Variants in MGAT4C observed in about 807,000 individuals in gnomAD.
MGAT4C encodes alpha-1,3-mannosyl-glycoprotein 4-beta-N-acetylglucosaminyltransferase C.
MGAT4C carries 19 observed loss-of-function variants against 40.1 expected under a neutral mutation model. The observed-to-expected ratio is 0.47, with a 90% confidence interval of 0.33 to 0.70. The LOEUF (loss-of-function observed/expected upper bound fraction) is 0.70. Ranked by LOEUF, MGAT4C falls within the 30% of genes least tolerant of loss-of-function variation. The probability of loss-of-function intolerance (pLI) is 0.02; values close to 1 mark genes in which losing one functional copy is unlikely to be tolerated. For synonymous variants in MGAT4C, 181 were observed against 187.1 expected (o/e 0.97, Z 0.27); for missense variants, 491 against 563.2 (o/e 0.87, Z 1.30).
intron 1 of MGAT4C, among the ~76,000 whole-genome samples, chr12:86,074,648 C>A (rs1869315816): frequency 6.6e-6 from 1 of 152,050 alleles, no homozygotes; most frequent in African/African-American, 2.4e-5. Context: ...AAGACACACC[C>A]AAGACTGGGT....
At chr12:86,517,339 A>G (rs1958709365) in intron 2 of MGAT4C, among the ~76,000 whole-genome samples, 1 of 152,204 alleles carries the variant, frequency 6.6e-6, no homozygotes, top group Non-Finnish European at 1.5e-5. Flanking sequence ...TCACATATAT[A>G]CTGAACACAA....
chr12:86,122,757 T>G (rs1219263253), intron 1 of MGAT4C, among the ~76,000 whole-genome samples: 1 of 151,074 alleles, frequency 6.6e-6, no homozygotes, highest in East Asian at 1.9e-4. Flanking sequence ...ACTTGAAAGT[T>G]CTTTTAATGT....
intron 3 of MGAT4C, among the ~76,000 whole-genome samples, chr12:86,394,391 T>C (rs60174857): frequency 0.027 from 4,064 of 151,028 alleles, 153 homozygotes; most frequent in African/African-American, 0.085. Context: ...AAAGAGGCTG[T>C]ATGCTCCATT....
intron 4 of MGAT4C, among the ~76,000 whole-genome samples, chr12:86,291,186 A>G (rs969498743): frequency 1.3e-5 from 2 of 152,228 alleles, no homozygotes; most frequent in Non-Finnish European, 2.9e-5. Flanking sequence ...GGTTTGAGCT[A>G]CTTGTACCTG....
intron 2 of MGAT4C, among the ~76,000 whole-genome samples, chr12:86,580,613 C>T (rs981489962): frequency 6.6e-6 from 1 of 151,420 alleles, no homozygotes; most frequent in African/African-American, 2.4e-5. Context: ...TAAATTCATC[C>T]TTGCTCACTT....
At chr12:86,635,635 TA>T (rs1309392048) in intron 2 of MGAT4C, among the ~76,000 whole-genome samples, 1 of 151,612 alleles carries the variant, frequency 6.6e-6, no homozygotes, top group Non-Finnish European at 1.5e-5. Context: ...ACCACATTTT[TA>T]CTGTACCTTT....
chr12:86,658,187 A>C (rs954066366), intron 2 of MGAT4C, among the ~76,000 whole-genome samples: 2 of 152,062 alleles, frequency 1.3e-5, no homozygotes, highest in Non-Finnish European at 2.9e-5. Context: ...GTTAAATCAA[A>C]TATAACTTGG....
intron 1 of MGAT4C, among the ~76,000 whole-genome samples, chr12:86,180,455 T>C (rs1593162499): frequency 1.3e-5 from 2 of 152,098 alleles, no homozygotes; most frequent in Admixed American, 1.3e-4. Flanking sequence ...ACAGACAGCT[T>C]GCACCGTGCA....
At chr12:86,351,480 G>A (rs1259480957) in intron 3 of MGAT4C, among the ~76,000 whole-genome samples, 1 of 151,748 alleles carries the variant, frequency 6.6e-6, no homozygotes, top group African/African-American at 2.4e-5. Flanking sequence ...CAAAATAAAT[G>A]GAAATCAAAA....
At chr12:86,580,845 T>C (rs1012112017) in intron 2 of MGAT4C, among the ~76,000 whole-genome samples, 9 of 151,374 alleles carry the variant, frequency 5.9e-5, no homozygotes, top group Non-Finnish European at 1.3e-4. Context: ...CCAGAACTCA[T>C]TTAAGAGCAA....
chr12:86,225,312 A>G (rs954794051), intron 1 of MGAT4C, among the ~76,000 whole-genome samples: 12 of 152,116 alleles, frequency 7.9e-5, no homozygotes, highest in Non-Finnish European at 1.6e-4. Context: ...AAAGTCTCCA[A>G]ACAAAGAAAA....
chr12:86,191,048 CA>C (rs1313512876), intron 1 of MGAT4C, among the ~76,000 whole-genome samples: 4 of 150,858 alleles, frequency 2.7e-5, no homozygotes, highest in Non-Finnish European at 5.9e-5. Flanking sequence ...GCACTACAAT[CA>C]GGAACCAATT....
In MGAT4C at chr12:86,433,366, A is replaced by ATG. The variant is rs550064009; in HGVS notation, c.-120+1790_-120+1791insCA. The stretch of plus-strand genomic sequence containing the variant: ...TGTATGTGTGTGTGTGCATATATAT[A>ATG]TACACAGAAGGATTTTCTTTCTGTC... On this transcript the variant is annotated intron_variant, in intron 3 of 7. Coordinates refer to the MGAT4C transcript ENST00000548651. Among the ~76,000 whole-genome samples the ATG allele has an allele frequency of 2.5e-3, 379 of 151,284 alleles. 3 individuals carry two copies. The highest frequency in any genetic ancestry group is 8.8e-3 in the African/African-American group (365 of 41,320).
chr12:86,593,342 T>G (rs887790420), intron 2 of MGAT4C, among the ~76,000 whole-genome samples: 2 of 152,156 alleles, frequency 1.3e-5, no homozygotes, highest in Non-Finnish European at 2.9e-5. Context: ...TTCATTGATT[T>G]TCTCTACTGT....
chr12:86,187,670 T>C (rs1037376304), intron 1 of MGAT4C, among the ~76,000 whole-genome samples: 1 of 151,378 alleles, frequency 6.6e-6, no homozygotes, highest in Non-Finnish European at 1.5e-5. Flanking sequence ...AACGGGCAAA[T>C]AAGCAGAAAA....
chr12:86,200,679 C>T (rs1202201678), intron 1 of MGAT4C, among the ~76,000 whole-genome samples: 1 of 151,152 alleles, frequency 6.6e-6, no homozygotes, highest in African/African-American at 2.4e-5. Context: ...CCAGGTTTGA[C>T]TTTTTTATGT....
intron 1 of MGAT4C, among the ~76,000 whole-genome samples, chr12:86,759,665 G>T (rs189812447): frequency 6.6e-6 from 1 of 152,040 alleles, no homozygotes; most frequent in Admixed American, 6.6e-5. Flanking sequence ...TATACCTGTT[G>T]GCCATGTGTA....
At chr12:86,606,090 A>T (rs1329290679) in intron 2 of MGAT4C, among the ~76,000 whole-genome samples, 1 of 151,866 alleles carries the variant, frequency 6.6e-6, no homozygotes. Flanking sequence ...TTATAAAACC[A>T]TTAGATCTCG....
At chr12:85,992,667 G>A (rs1886091868) in intron 2 of MGAT4C, among the ~76,000 whole-genome samples, 1 of 152,236 alleles carries the variant, frequency 6.6e-6, no homozygotes, top group East Asian at 1.9e-4. Flanking sequence ...ACATAAATTT[G>A]TGGCAAACAT....
Sources: allele counts gnomAD v4.1 joint callset (sites outside exome capture counted in the v4.1 genomes callset), GRCh38; gene constraint gnomAD v4.1.1; transcripts MANE v1.5; gene names NCBI Gene and HGNC (gene_info 2026-07-23, HGNC 2026-07-21).